The following PLXDC2 variants were observed in gnomAD, a reference collection of about 807,000 sequenced individuals.
PLXDC2 encodes plexin domain-containing protein 2.
PLXDC2 carries 40 observed loss-of-function variants against 68.9 expected under a neutral mutation model. The observed-to-expected ratio is 0.58, with a 90% CI of 0.45 to 0.76. The LOEUF (loss-of-function observed/expected upper bound fraction) is 0.76, where lower values mean the gene tolerates loss of function less well. Ranked by LOEUF, PLXDC2 falls within the 30% of genes least tolerant of loss-of-function variation. The pLI is 0.00. For missense variants in PLXDC2, 644 were observed against 661.9 expected (o/e 0.97, Z 0.30); for synonymous variants, 243 against 234.2 (o/e 1.04, Z -0.34).
chr10:20,040,497 T>A (rs1835664623), intron 2 of PLXDC2, among the ~76,000 whole-genome samples: 1 of 152,174 alleles, frequency 6.6e-6, no homozygotes, highest in Non-Finnish European at 1.5e-5. Flanking sequence ...TCCTGTAGCT[T>A]ATTGAATATG....
In PLXDC2 at chr10:20,220,221, G is replaced by C. The variant is rs74119522; in HGVS notation, c.1312+1119G>C. ...ATGATCATCTGCAAAATATATACTA[G>C]CTAGAAATATATTAAAATCTTAGGG... On this transcript the variant is annotated intron_variant, in intron 12 of 13. Transcript: ENST00000377252. 8.6e-5 allele frequency among the ~76,000 whole-genome samples: 13 copies of C among 152,036 alleles called. No homozygotes were observed. In the East Asian group the frequency reaches 2.5e-3, roughly 29 times the overall value.
intron 5 of PLXDC2, 117 bp from the exon 6 acceptor site, chr10:20,147,667 A>G: frequency 4.8e-6 from 3 of 626,484 alleles, no homozygotes; most frequent in South Asian, 2.3e-5. Context: ...TAAAATCGAA[A>G]TAGTACAACT....
At chr10:20,016,039 C>T (rs1835204313) in intron 2 of PLXDC2, among the ~76,000 whole-genome samples, 1 of 152,152 alleles carries the variant, frequency 6.6e-6, no homozygotes, top group African/African-American at 2.4e-5. Context: ...GTGAAAGGGC[C>T]TCTCTATTTA....
chr10:20,008,262 A>G (rs1835058513), intron 2 of PLXDC2, among the ~76,000 whole-genome samples: 1 of 152,158 alleles, frequency 6.6e-6, no homozygotes, highest in Non-Finnish European at 1.5e-5. Flanking sequence ...TTAATCTAAA[A>G]AAAGAATGTA....
At chr10:19,966,808 AT>A (rs142987623) in intron 1 of PLXDC2, among the ~76,000 whole-genome samples, 76,600 of 151,002 alleles carry the variant, frequency 0.51, 19,873 homozygotes, top group South Asian at 0.68. Flanking sequence ...TCGCGTTACC[AT>A]TTTTTTTTTC....
At chr10:19,883,101 C>T (rs572676751) in intron 1 of PLXDC2, among the ~76,000 whole-genome samples, 7 of 151,786 alleles carry the variant, frequency 4.6e-5, no homozygotes, top group East Asian at 1.9e-4. Context: ...GGACTACAGG[C>T]GCCCGCCACC....
chr10:20,003,565 T>C (rs539098052), intron 2 of PLXDC2, among the ~76,000 whole-genome samples: 10 of 152,244 alleles, frequency 6.6e-5, no homozygotes, highest in African/African-American at 2.4e-4. Context: ...CCTGAGTAGC[T>C]GGGATTACAG....
At chr10:20,274,378 G>A (rs1256892889) in intron 13 of PLXDC2, among the ~76,000 whole-genome samples, 4 of 152,180 alleles carry the variant, frequency 2.6e-5, no homozygotes, top group Non-Finnish European at 5.9e-5. Context: ...AACCCTAGAA[G>A]AGAGCTGATC....
At chr10:19,975,636 T>G (rs1834442849) in intron 1 of PLXDC2, among the ~76,000 whole-genome samples, 1 of 152,218 alleles carries the variant, frequency 6.6e-6, no homozygotes, top group Non-Finnish European at 1.5e-5. Flanking sequence ...TCAGATATTA[T>G]GAATTCCTGC....
intron 6 of PLXDC2, among the ~76,000 whole-genome samples, chr10:20,158,070 A>G (rs1377747867): frequency 6.6e-6 from 1 of 152,182 alleles, no homozygotes; most frequent in African/African-American, 2.4e-5. Flanking sequence ...TTGTTTAAAA[A>G]AAAAAACTTC....
chr10:20,229,507 C>A (rs61088375), intron 12 of PLXDC2, among the ~76,000 whole-genome samples: 17,388 of 119,434 alleles, frequency 0.15, 1,399 homozygotes, highest in African/African-American at 0.26. Flanking sequence ...ATATGCTGAT[C>A]CACTTTAAGC....
chr10:20,050,234 T>C (rs879504695), intron 3 of PLXDC2, among the ~76,000 whole-genome samples: 1 of 152,082 alleles, frequency 6.6e-6, no homozygotes, highest in Non-Finnish European at 1.5e-5. Flanking sequence ...AAGACTTAGA[T>C]GTAAAACTCA....
intron 2 of PLXDC2, among the ~76,000 whole-genome samples, chr10:20,038,328 C>T (rs1835617590): frequency 6.6e-6 from 1 of 151,976 alleles, no homozygotes; most frequent in African/African-American, 2.4e-5. Flanking sequence ...ATAGACCATG[C>T]TGCAAATAGA....
intron 1 of PLXDC2, among the ~76,000 whole-genome samples, chr10:19,841,537 GT>G (rs34818991): frequency 0.018 from 2,230 of 127,154 alleles, 50 homozygotes; most frequent in East Asian, 0.11. Context: ...GTGTTTCAGG[GT>G]TTTTTTTTTT....
At chr10:20,215,671 C>T (rs1405569917) in intron 10 of PLXDC2, among the ~76,000 whole-genome samples, 2 of 151,934 alleles carry the variant, frequency 1.3e-5, no homozygotes, top group African/African-American at 4.8e-5. Context: ...TGAGCTAGGA[C>T]ATAGGTAGAA....
intron 1 of PLXDC2, among the ~76,000 whole-genome samples, chr10:19,818,617 C>A (rs1345681762): frequency 6.6e-6 from 1 of 152,086 alleles, no homozygotes; most frequent in Non-Finnish European, 1.5e-5. Flanking sequence ...GTTGACTTGT[C>A]TTTGTCACAT....
chr10:20,057,460 A>G (rs1057312189), intron 3 of PLXDC2, among the ~76,000 whole-genome samples: 2 of 152,098 alleles, frequency 1.3e-5, no homozygotes, highest in Non-Finnish European at 2.9e-5. Context: ...TGATGGATGG[A>G]TAATACCCTA....
chr10:20,184,066 T>A (rs1834645880), intron 9 of PLXDC2, among the ~76,000 whole-genome samples: 1 of 151,878 alleles, frequency 6.6e-6, no homozygotes, highest in Non-Finnish European at 1.5e-5. Context: ...ATGGTAAAGA[T>A]ATGTATTTAC....
At chr10:20,149,607 G>A (rs1024501841) in intron 6 of PLXDC2, among the ~76,000 whole-genome samples, 1 of 151,958 alleles carries the variant, frequency 6.6e-6, no homozygotes, top group Admixed American at 6.6e-5. Flanking sequence ...AGTGTCTGTT[G>A]TTCCCTTCTT....
Sources: gnomAD v4.1 joint callset for allele counts (sites outside exome capture counted in the v4.1 genomes callset) on GRCh38, gnomAD v4.1.1 for gene constraint, MANE v1.5 for transcripts, NCBI Gene and HGNC (gene_info 2026-07-23, HGNC 2026-07-21) for gene names.